Variants in USP35 observed in about 807,000 individuals in gnomAD.
The protein encoded by USP35 is ubiquitin carboxyl-terminal hydrolase 35.
In USP35, 69 loss-of-function variants were observed where a neutral mutation model predicts 83.8. The observed-to-expected ratio is 0.82, with a 90% CI of 0.68 to 1.01. USP35 has a LOEUF of 1.01. Among genes scored for constraint, USP35 ranks in the 50% least tolerant of loss-of-function variants. USP35 has a pLI of 0.00. For missense variants in USP35, 1,503 were observed against 1,362.5 expected (o/e 1.10, Z -1.62); for synonymous variants, 714 against 589.5 (o/e 1.21, Z -3.06).
chr11:78,206,951 G>A (rs762535499), intron 7 of USP35, among the ~76,000 whole-genome samples: 4 of 152,294 alleles, frequency 2.6e-5, no homozygotes, highest in Admixed American at 2.0e-4. Context: ...GGTCCTCTTC[G>A]TTTAGCGTAT....
the USP35 span, chr11:78,220,314 G>A: frequency 8.1e-6 from 13 of 1,612,114 alleles, no homozygotes; most frequent in Admixed American, 6.7e-5. Context: ...CTCTACTCCA[G>A]GCACCTTGCG....
the USP35 span, chr11:78,221,720 G>T: frequency 6.2e-7 from 1 of 1,613,742 alleles, no homozygotes; most frequent in Non-Finnish European, 8.5e-7. Flanking sequence ...GTCTGTGCTG[G>T]TGATGCTCTG....
rs1863158386 is a variant in USP35 at position 78,196,700 on chromosome 11, C to G, written c.455C>G (p.Pro152Arg). The part of the protein sequence containing the change: ...AQVARLLARH[P>R]RCVPDGPHRL... Reference sequence around the variant, plus strand: ...GTGGCACGGCTGCTGGCTCGCCACCCGCGCTGTGTGCCCGACGGACCCCAC... The same window carrying G: ...GTGGCACGGCTGCTGGCTCGCCACCGGCGCTGTGTGCCCGACGGACCCCAC... Residue 152 changes from proline (P) to arginine (R), a missense_variant, in exon 2 of 11, where the codon CCG becomes CGG. Coordinates refer to ENST00000529308, the MANE Select transcript of USP35 (RefSeq NM_020798.4). This position sits in a 1 kb window ranked among gnomAD's most constrained non-coding sequence, Gnocchi z 4.8. The G allele has an allele frequency of 6.6e-7, 1 of 1,522,240 alleles. No homozygotes were observed. Among genetic ancestry groups the G allele is most frequent in the Non-Finnish European group, 8.8e-7 (1 of 1,141,158 alleles). 94.3% of individuals were successfully genotyped at this position (1,522,240 alleles called of 1,614,324 possible). A position where few individuals can be genotyped will look rare whatever the true frequency, so the allele number is the denominator to read the frequency against.
the USP35 span, among the ~76,000 whole-genome samples, chr11:78,232,342 C>T: frequency 6.6e-6 from 1 of 152,192 alleles, no homozygotes; most frequent in African/African-American, 2.4e-5. Flanking sequence ...ATGTGACTCA[C>T]ATCAATGTAT....
In USP35 at chr11:78,209,873, A is replaced by T. The variant is rs1177702084; in HGVS notation, c.2018A>T (p.Gln673Leu). 6.8e-6 allele frequency: 11 copies of T among 1,608,874 alleles called. No individual in the cohort carries two copies. The South Asian group carries it at 8.8e-5, about 13-fold the overall frequency. ...DSKEAGGQSS[Q>L]EERIEREEEG... ...AAGGAAGCTGGTGGGCAGAGCAGTC[A>T]GGAGGAAAGGATAGAGAGGGAGGAA... The change falls in exon 10 of 11, where the codon CAG becomes CTG. Residue 673 changes from glutamine to leucine, a missense_variant. Gln to Leu is a moderately radical substitution (Grantham distance 113). Transcript: ENST00000529308.
At chr11:78,206,064 G>T in intron 7 of USP35, 29 bp downstream of exon 7, 1 of 1,595,870 alleles carries the variant, frequency 6.3e-7, no homozygotes, top group Non-Finnish European at 8.6e-7. Flanking sequence ...TTCCCTGTCT[G>T]CCCTTGCTTC....
At chr11:78,223,463 T>G in the USP35 span, 1 of 1,591,174 alleles carries the variant, frequency 6.3e-7, no homozygotes, top group East Asian at 2.3e-5. Flanking sequence ...TGAATCTCAC[T>G]TCCTCTGCTG....
intron 8 of USP35, among the ~76,000 whole-genome samples, chr11:78,207,880 T>C (rs1052981859): frequency 6.6e-6 from 1 of 152,270 alleles, no homozygotes; most frequent in African/African-American, 2.4e-5. Flanking sequence ...CATCGCATTA[T>C]GGTGTTGCCA....
At chr11:78,220,180 A>T, downstream of USP35, 2 of 807,378 alleles carry the variant, frequency 2.5e-6, no homozygotes, top group Non-Finnish European at 2.0e-6. Flanking sequence ...ATGACTAAAG[A>T]TGCATCATAA....
chr11:78,232,098 T>G, the USP35 span, among the ~76,000 whole-genome samples: 1 of 152,242 alleles, frequency 6.6e-6, no homozygotes, highest in South Asian at 2.1e-4. Context: ...GCTGTATATG[T>G]GAAACTAAAA....
rs1863976522 is a variant in USP35 at position 78,214,318 on chromosome 11, C to CCTTTCTG, written c.*506_*512dup. ...GTGGGGGGTACCTGCACTGTCTGTA[C>CCTTTCTG]CTTTCTGAGAAGAACAGAGACCGAG... On this transcript the variant is annotated 3_prime_UTR_variant, in exon 11 of 11. Transcript: ENST00000529308. 2 of 139,964 alleles carry CCTTTCTG rather than the reference C, an allele frequency of 1.4e-5. No homozygotes were observed. The highest frequency in any genetic ancestry group is 4.3e-4 in the South Asian group (2 of 4,600). The allele number at this position is 139,964 out of a possible 1,614,324, so 8.7% of individuals were successfully genotyped here. A position where few individuals can be genotyped will look rare whatever the true frequency, so the allele number is the denominator to read the frequency against.
the USP35 span, chr11:78,223,410 A>G: frequency 1.3e-6 from 2 of 1,520,536 alleles, no homozygotes; most frequent in East Asian, 4.7e-5. Flanking sequence ...GAATGGACTT[A>G]CCTTTCCGAT....
In USP35 at chr11:78,196,901, C is replaced by T. The variant is rs528502764; in HGVS notation, c.656C>T (p.Ala219Val). 3.4e-6 allele frequency: 5 copies of T among 1,469,044 alleles called. No individual in the cohort carries two copies. The highest frequency in any genetic ancestry group is 2.7e-5 in the South Asian group (2 of 74,436). The allele number at this position is 1,469,044 out of a possible 1,614,324, so 91.0% of individuals were successfully genotyped here. The change falls in exon 2 of 11, where the codon GCA (alanine) becomes GTA (valine). Residue 219 changes from alanine (A) to valine (V), a missense_variant. By Grantham distance (64) the Ala-to-Val change is moderately conservative (BLOSUM62 0). Coordinates refer to ENST00000529308, the MANE Select transcript of USP35 (RefSeq NM_020798.4). This position sits in a 1 kb window ranked among gnomAD's most constrained non-coding sequence, Gnocchi z 4.8. The stretch of plus-strand genomic sequence containing the variant: ...CTGCCCTGCCTCAAAGAGCTGTTCG[C>T]AGTCATCTCCTGCGCAGGTGCGTGT... The part of the protein sequence containing the change: ...AILPCLKELF[A>V]VISCAEEEPP...
chr11:78,211,303 A>G (rs566305182), intron 10 of USP35, among the ~76,000 whole-genome samples: 1 of 152,286 alleles, frequency 6.6e-6, no homozygotes, highest in Admixed American at 6.5e-5. Flanking sequence ...TTATGGATGC[A>G]TAGTATTCTG....
chr11:78,213,808 T>G lies in USP35; in HGVS notation c.3052T>G (p.Phe1018Val). 1 of 1,554,424 alleles carries G rather than the reference T, an allele frequency of 6.4e-7. No homozygotes were observed. The highest frequency in any genetic ancestry group is 1.2e-5 in the South Asian group (1 of 81,054). Residue 1018 changes from phenylalanine to valine, a missense_variant, in exon 11 of 11, where the codon TTC (phenylalanine) becomes GTC (valine). By Grantham distance (50) the Phe-to-Val change is conservative. Transcript: ENST00000529308. The stretch of plus-strand genomic sequence containing the variant: ...TGGTGGTGACTTCCACAGACTGGTC[T>G]TCTAATGTGAACCTGCTGCCAACCT... ...GNGGDFHRLV[F>V]
chr11:78,210,333 C>T lies in USP35; in HGVS notation c.2478C>T (p.Asp826=), dbSNP rs368398825. The T allele has an allele frequency of 1.1e-4, 181 of 1,612,816 alleles. No homozygotes were observed. In the African/African-American group the frequency reaches 1.8e-3, roughly 16 times the overall value. The change falls in exon 10 of 11, where the codon GAC becomes GAT. Residue 826 remains aspartate (D), a synonymous_variant. Transcript: ENST00000529308. The stretch of plus-strand genomic sequence containing the variant: ...TGCGGCGCCGCAAGATCCTGGATGA[C>T]GTCTCCATCCCCCTGCTGCTCCGCC... The part of the protein sequence containing the change: ...RTMRRRKILD[D]VSIPLLLRLP...
At chr11:78,192,371 T>C (rs988038895) in intron 1 of USP35, among the ~76,000 whole-genome samples, 1 of 152,238 alleles carries the variant, frequency 6.6e-6, no homozygotes, top group African/African-American at 2.4e-5. Context: ...GTTCTAATCC[T>C]GCTTTGCCAA....
intron 1 of USP35, among the ~76,000 whole-genome samples, chr11:78,192,412 C>G (rs1863031996): frequency 6.6e-6 from 1 of 152,250 alleles, no homozygotes; most frequent in Non-Finnish European, 1.5e-5. Flanking sequence ...GCCTCACTTT[C>G]TTCATTCCTG....
chr11:78,232,220 C>T, the USP35 span, among the ~76,000 whole-genome samples: 8 of 152,180 alleles, frequency 5.3e-5, no homozygotes, highest in Non-Finnish European at 8.8e-5. Context: ...CTAATTTTAC[C>T]ATTTACCCAC....
Sources: gnomAD v4.1 joint callset for allele counts (sites outside exome capture counted in the v4.1 genomes callset) on GRCh38, gnomAD v4.1.1 for gene constraint, Gnocchi (gnomAD v3.1) non-coding constraint, MANE v1.5 for transcripts, NCBI Gene and HGNC (gene_info 2026-07-23, HGNC 2026-07-21) for gene names.